Variants in IFT43 observed in about 807,000 individuals in gnomAD.
IFT43 encodes the protein intraflagellar transport 43, also known as intraflagellar transport protein 43 homolog.
In IFT43, 33 loss-of-function variants were observed where a neutral mutation model predicts 32.3. The ratio of observed to expected loss-of-function variants is 1.02; its 90% CI spans 0.77 to 1.37. The LOEUF is 1.37. Among genes scored for constraint, IFT43 ranks in the 40% most tolerant of loss-of-function variants. The pLI is 0.00. For missense variants in IFT43, 274 were observed against 265.9 expected (o/e 1.03, Z -0.21); for synonymous variants, 93 against 98.2 (o/e 0.95, Z 0.31).
chr14:76,077,317 T>C (rs1861922), intron 5 of IFT43, among the ~76,000 whole-genome samples: 52,523 of 152,082 alleles, frequency 0.35, 9,155 homozygotes, highest in African/African-American at 0.39. Flanking sequence ...TATTTGTTCT[T>C]GTGAAATGAA....
chr14:76,011,229 G>T (rs956810647), intron 2 of IFT43, among the ~76,000 whole-genome samples: 1 of 152,070 alleles, frequency 6.6e-6, no homozygotes, highest in African/African-American at 2.4e-5. Flanking sequence ...CTTTTTAACG[G>T]CATTGACACT....
At chr14:75,994,516 A>G (rs1359804747) in intron 2 of IFT43, among the ~76,000 whole-genome samples, 2 of 152,200 alleles carry the variant, frequency 1.3e-5, no homozygotes, top group East Asian at 3.8e-4. Context: ...GTGAAGATCA[A>G]ATGAGGTAAT....
chr14:76,073,950 C>G (rs961064358), intron 5 of IFT43, among the ~76,000 whole-genome samples: 3 of 152,164 alleles, frequency 2.0e-5, no homozygotes. Context: ...TGGCTGTGAT[C>G]AAAACCAGCT....
chr14:76,006,903 G>A (rs1330826430), intron 2 of IFT43, among the ~76,000 whole-genome samples: 3 of 148,478 alleles, frequency 2.0e-5, no homozygotes, highest in Non-Finnish European at 4.4e-5. Context: ...TGTTGCCTAG[G>A]CTAGAGTGCA....
chr14:76,065,130 T>C (rs10483874), intron 5 of IFT43, among the ~76,000 whole-genome samples: 21,432 of 152,180 alleles, frequency 0.14, 1,757 homozygotes, highest in Non-Finnish European at 0.19. Context: ...CTTTGTCATG[T>C]TAAGAAAGTG....
chr14:76,038,333 G>A (rs920566667), intron 3 of IFT43, among the ~76,000 whole-genome samples: 4 of 152,130 alleles, frequency 2.6e-5, no homozygotes, highest in Admixed American at 2.0e-4. Flanking sequence ...TCTCTGCTTG[G>A]ATCTCTGTCT....
At chr14:76,071,137 G>A (rs930192365) in intron 5 of IFT43, among the ~76,000 whole-genome samples, 11 of 152,140 alleles carry the variant, frequency 7.2e-5, no homozygotes, top group African/African-American at 2.4e-4. Context: ...TAGTGGGAAC[G>A]GGGGCCGGGT....
chr14:76,059,002 A>T (rs2037079225), intron 4 of IFT43: 1 of 1,427,442 alleles, frequency 7.0e-7, no homozygotes, highest in East Asian at 2.6e-5. Context: ...GCCTTCTCAT[A>T]AGACTTATAT....
At chr14:75,995,954 G>C (rs529179885) in intron 2 of IFT43, among the ~76,000 whole-genome samples, 1 of 152,328 alleles carries the variant, frequency 6.6e-6, no homozygotes, top group African/African-American at 2.4e-5. Flanking sequence ...GCCGGCCGCT[G>C]TGTGGGAGGG....
At chr14:75,990,492 A>G (rs2035615815) in intron 2 of IFT43, among the ~76,000 whole-genome samples, 1 of 152,132 alleles carries the variant, frequency 6.6e-6, no homozygotes, top group Non-Finnish European at 1.5e-5. Context: ...TTATCATCGT[A>G]CCCTATTATC....
intron 4 of IFT43, 111 bp from the exon 5 acceptor site, chr14:76,059,216 T>C: frequency 6.2e-7 from 1 of 1,606,502 alleles, no homozygotes; most frequent in Non-Finnish European, 8.5e-7. Context: ...AAAAACAGGT[T>C]CAGGGACATT....
chr14:76,036,509 A>G (rs1389515724), intron 3 of IFT43, among the ~76,000 whole-genome samples: 11 of 149,504 alleles, frequency 7.4e-5, no homozygotes, highest in African/African-American at 2.0e-4. Flanking sequence ...GGTTCAAGCA[A>G]TTCTCCCACC....
intron 3 of IFT43, among the ~76,000 whole-genome samples, chr14:76,053,569 A>G (rs1421409702): frequency 6.6e-6 from 1 of 152,180 alleles, no homozygotes; most frequent in Non-Finnish European, 1.5e-5. Flanking sequence ...CAATTTGGAA[A>G]GGGCCATCAG....
At chr14:76,037,858 T>C (rs376582233) in intron 3 of IFT43, among the ~76,000 whole-genome samples, 2 of 152,280 alleles carry the variant, frequency 1.3e-5, no homozygotes, top group East Asian at 3.9e-4. Flanking sequence ...CCATACATAT[T>C]TGATCAATGA....
At chr14:75,991,590 C>G (rs1247979876) in intron 2 of IFT43, among the ~76,000 whole-genome samples, 1 of 152,086 alleles carries the variant, frequency 6.6e-6, no homozygotes, top group Admixed American at 6.6e-5. Context: ...CCCTGCTTGC[C>G]TACCATCCAC....
chr14:75,990,258 G>A (rs1566693664), intron 2 of IFT43, among the ~76,000 whole-genome samples: 1 of 152,208 alleles, frequency 6.6e-6, no homozygotes, highest in Non-Finnish European at 1.5e-5. Flanking sequence ...AAAATTTTAT[G>A]TGAAAGCAAC....
intron 2 of IFT43, among the ~76,000 whole-genome samples, chr14:76,012,236 G>T (rs966860961): frequency 1.3e-5 from 2 of 152,280 alleles, no homozygotes; most frequent in Middle Eastern, 3.4e-3. Flanking sequence ...CTGAGAGTGT[G>T]TGAGAAGTTT....
chr14:76,074,012 G>A (rs866677414), intron 5 of IFT43, among the ~76,000 whole-genome samples: 10 of 152,160 alleles, frequency 6.6e-5, no homozygotes, highest in Admixed American at 1.3e-4. Flanking sequence ...GAAGCATTCC[G>A]TATGTGGGGG....
downstream of IFT43, chr14:76,084,040 C>G (rs2037564327): frequency 2.2e-6 from 1 of 451,664 alleles, no homozygotes; most frequent in South Asian, 1.6e-5. Context: ...TTCCAGGCAG[C>G]TGCAGCGGAG....
Sources: allele counts gnomAD v4.1 joint callset (sites outside exome capture counted in the v4.1 genomes callset), GRCh38; gene constraint gnomAD v4.1.1; transcripts MANE v1.5; gene names NCBI Gene and HGNC (gene_info 2026-07-23, HGNC 2026-07-21).